Variants in VPS13B observed in about 807,000 individuals in gnomAD.
VPS13B encodes the protein intermembrane lipid transfer protein VPS13B.
In VPS13B, 285 loss-of-function variants were observed where a neutral mutation model predicts 426.4. That is an observed-to-expected ratio of 0.67 (90% CI 0.61 to 0.74). The LOEUF is 0.74. Ranked by LOEUF, VPS13B falls within the 30% of genes least tolerant of loss-of-function variation. The pLI is 0.00. For synonymous variants in VPS13B, 1,676 were observed against 1,676.4 expected (o/e 1.00, Z 0.01); for missense variants, 4,537 against 4,782.6 (o/e 0.95, Z 1.51).
intron 21 of VPS13B, among the ~76,000 whole-genome samples, chr8:99,409,841 G>C (rs894243566): frequency 6.6e-6 from 1 of 152,124 alleles, no homozygotes; most frequent in Middle Eastern, 3.2e-3. Flanking sequence ...ACAACTCCTA[G>C]TTGGTCTCTA....
At chr8:99,790,701 C>T (rs1812497066) in intron 43 of VPS13B, among the ~76,000 whole-genome samples, 1 of 152,118 alleles carries the variant, frequency 6.6e-6, no homozygotes, top group Non-Finnish European at 1.5e-5. Flanking sequence ...GGATGGGAAG[C>T]TGGCAAGGCT....
At chr8:99,776,239 T>C (rs1811735813) in intron 40 of VPS13B, among the ~76,000 whole-genome samples, 1 of 152,186 alleles carries the variant, frequency 6.6e-6, no homozygotes, top group Non-Finnish European at 1.5e-5. Context: ...TTTTGTGAGA[T>C]GTGGATGGAA....
chr8:99,716,982 G>A (rs1206465949), intron 36 of VPS13B, among the ~76,000 whole-genome samples, 189 bp from the exon 37 acceptor site: 1 of 152,188 alleles, frequency 6.6e-6, no homozygotes, highest in African/African-American at 2.4e-5. Flanking sequence ...TGTTAGGAAT[G>A]TGAATGAGGT....
chr8:99,033,852 T>A (rs10106041), intron 2 of VPS13B, among the ~76,000 whole-genome samples: 1 of 151,902 alleles, frequency 6.6e-6, no homozygotes, highest in Non-Finnish European at 1.5e-5. Flanking sequence ...GCCAAGATCA[T>A]GCCATTGCAC....
intron 19 of VPS13B, among the ~76,000 whole-genome samples, chr8:99,303,150 T>C (rs1820455097): frequency 6.7e-6 from 1 of 148,236 alleles, no homozygotes; most frequent in African/African-American, 2.5e-5. Context: ...CGTGGTAGAA[T>C]GCTCCTGTAA....
chr8:99,014,477 A>C (rs1413191482), intron 2 of VPS13B, among the ~76,000 whole-genome samples: 2 of 151,982 alleles, frequency 1.3e-5, no homozygotes, highest in Non-Finnish European at 2.9e-5. Context: ...GGATTACTTA[A>C]AGTTGCTTTG....
chr8:99,245,558 A>C (rs555783395), intron 17 of VPS13B, among the ~76,000 whole-genome samples: 3 of 152,110 alleles, frequency 2.0e-5, no homozygotes, highest in African/African-American at 7.2e-5. Context: ...TAAATATGAG[A>C]ATAATTCTTA....
At chr8:99,809,215 TGGTGGAATAA>T (rs1180676056) in intron 43 of VPS13B, among the ~76,000 whole-genome samples, 150 bp from the exon 44 acceptor site, 1 of 152,216 alleles carries the variant, frequency 6.6e-6, no homozygotes, top group Non-Finnish European at 1.5e-5. Context: ...ATTCTTAGCC[TGGTGGAATAA>T]GTTGGAAGTG....
intron 19 of VPS13B, among the ~76,000 whole-genome samples, chr8:99,355,468 G>A (rs1255134254): frequency 1.3e-5 from 2 of 152,120 alleles, no homozygotes; most frequent in African/African-American, 2.4e-5. Context: ...GCACATGCCT[G>A]TAATCCCAGC....
At chr8:99,545,446 A>G (rs1823917785) in intron 30 of VPS13B, among the ~76,000 whole-genome samples, 2 of 152,120 alleles carry the variant, frequency 1.3e-5, no homozygotes, top group Admixed American at 6.6e-5. Flanking sequence ...TAACTACTAC[A>G]CTATGACTCA....
chr8:99,710,685 T>G (rs1832674659), intron 36 of VPS13B, among the ~76,000 whole-genome samples: 1 of 152,110 alleles, frequency 6.6e-6, no homozygotes, highest in South Asian at 2.1e-4. Context: ...CACCACCCTT[T>G]ATTGCTATTA....
chr8:99,687,704 G>A (rs1831477333), intron 35 of VPS13B, among the ~76,000 whole-genome samples: 1 of 152,008 alleles, frequency 6.6e-6, no homozygotes, highest in Admixed American at 6.5e-5. Flanking sequence ...CCACCCTTGC[G>A]GAGATGGAAT....
chr8:99,067,690 G>T (rs542441200), intron 3 of VPS13B, among the ~76,000 whole-genome samples: 2 of 152,266 alleles, frequency 1.3e-5, no homozygotes, highest in East Asian at 3.9e-4. Context: ...ACAGCAACAA[G>T]AATCTATAAA....
intron 17 of VPS13B, among the ~76,000 whole-genome samples, chr8:99,194,238 G>A (rs1813763813): frequency 1.3e-5 from 2 of 152,076 alleles, no homozygotes; most frequent in Non-Finnish European, 2.9e-5. Context: ...TTCTTCACTC[G>A]GAGCTTATGA....
At chr8:99,098,747 G>A (rs563186602) in intron 4 of VPS13B, among the ~76,000 whole-genome samples, 1 of 152,118 alleles carries the variant, frequency 6.6e-6, no homozygotes, top group East Asian at 1.9e-4. Context: ...CATTTTTAGT[G>A]TAATGCTGTT....
chr8:99,585,425 G>T (rs913694788), intron 33 of VPS13B, among the ~76,000 whole-genome samples: 1 of 152,108 alleles, frequency 6.6e-6, no homozygotes, highest in Non-Finnish European at 1.5e-5. Flanking sequence ...GAATATGGAT[G>T]CAACAATCCT....
At chr8:99,197,132 C>T (rs1160213484) in intron 17 of VPS13B, among the ~76,000 whole-genome samples, 1 of 152,092 alleles carries the variant, frequency 6.6e-6, no homozygotes, top group African/African-American at 2.4e-5. Flanking sequence ...TATTTATTGA[C>T]TTGTATTTGT....
At chr8:99,774,907 G>C (rs1043585951) in intron 40 of VPS13B, among the ~76,000 whole-genome samples, 1 of 152,168 alleles carries the variant, frequency 6.6e-6, no homozygotes, top group Non-Finnish European at 1.5e-5. Flanking sequence ...TCCAGAGTCT[G>C]TTTTCTTTGT....
At chr8:99,819,836 G>C in intron 48 of VPS13B, 85 bp from the exon 49 acceptor site, 1 of 1,511,334 alleles carries the variant, frequency 6.6e-7, no homozygotes. Flanking sequence ...CAGGAGCATG[G>C]TGTGTTTGGA....
Sources: gnomAD v4.1 joint callset for allele counts (sites outside exome capture counted in the v4.1 genomes callset) on GRCh38, gnomAD v4.1.1 for gene constraint, MANE v1.5 for transcripts, NCBI Gene and HGNC (gene_info 2026-07-23, HGNC 2026-07-21) for gene names.